The following PEBP4 variants were observed in gnomAD, a reference collection of about 807,000 sequenced individuals.
PEBP4 encodes the protein phosphatidylethanolamine binding protein 4.
In PEBP4, 22 loss-of-function variants were observed where a neutral mutation model predicts 23.9. The ratio of observed to expected loss-of-function variants is 0.92; its 90% CI spans 0.66 to 1.31. The LOEUF (loss-of-function observed/expected upper bound fraction) is 1.31. Among genes scored for constraint, PEBP4 ranks in the 40% most tolerant of loss-of-function variants. The probability of loss-of-function intolerance (pLI) is 0.00; values close to 1 mark genes in which losing one functional copy is unlikely to be tolerated. For missense variants in PEBP4, 324 were observed against 281.7 expected, an observed-to-expected ratio of 1.15 and a Z score of -1.07; for synonymous variants, 112 against 99.3, an observed-to-expected ratio of 1.13 and a Z score of -0.76.
intron 4 of PEBP4, among the ~76,000 whole-genome samples, chr8:22,811,195 T>C (rs181797421): frequency 6.6e-6 from 1 of 152,264 alleles, no homozygotes; most frequent in South Asian, 2.1e-4. Context: ...TAATGACTCA[T>C]TGAATGAAGT....
At chr8:22,810,717 A>T (rs528740604) in intron 4 of PEBP4, among the ~76,000 whole-genome samples, 104 of 144,650 alleles carry the variant, frequency 7.2e-4, no homozygotes, top group African/African-American at 2.5e-3. Flanking sequence ...TGTGTGTGAG[A>T]GAGAGAGAGA....
chr8:22,729,837 G>C (rs527979041), intron 4 of PEBP4, among the ~76,000 whole-genome samples: 6 of 152,174 alleles, frequency 3.9e-5, no homozygotes, highest in African/African-American at 1.4e-4. Flanking sequence ...TGATTTACTC[G>C]GATTGTCTTG....
intron 3 of PEBP4, 142 bp from the exon 4 acceptor site, chr8:22,817,877 C>T (rs181753406): frequency 3.0e-5 from 21 of 694,884 alleles, no homozygotes; most frequent in African/African-American, 1.8e-4. Context: ...TCCTTGCTCT[C>T]GTGACATCCC....
intron 5 of PEBP4, among the ~76,000 whole-genome samples, chr8:22,726,113 G>T (rs1487888688): frequency 1.3e-5 from 2 of 151,934 alleles, no homozygotes; most frequent in African/African-American, 2.4e-5. Flanking sequence ...ACTCGGGGTG[G>T]GTGTGTGTAC....
At chr8:22,749,215 G>T (rs1805192837) in intron 4 of PEBP4, among the ~76,000 whole-genome samples, 1 of 152,210 alleles carries the variant, frequency 6.6e-6, no homozygotes, top group Non-Finnish European at 1.5e-5. Flanking sequence ...AAGAAGCTGT[G>T]GGGTGTGTTC....
At chr8:22,748,643 C>T (rs976897891) in intron 4 of PEBP4, among the ~76,000 whole-genome samples, 3 of 144,370 alleles carry the variant, frequency 2.1e-5, no homozygotes, top group Non-Finnish European at 3.0e-5. Flanking sequence ...AGAGTTCACC[C>T]GGCTGTCAGC....
At chr8:22,905,025 C>T (rs527744493) in intron 3 of PEBP4, among the ~76,000 whole-genome samples, 32 of 152,262 alleles carry the variant, frequency 2.1e-4, no homozygotes, top group African/African-American at 7.2e-4. Flanking sequence ...TGCTCAAACA[C>T]AATGGACATG....
At chr8:22,771,003 A>G (rs1805707938) in intron 4 of PEBP4, among the ~76,000 whole-genome samples, 1 of 152,210 alleles carries the variant, frequency 6.6e-6, no homozygotes, top group Non-Finnish European at 1.5e-5. Flanking sequence ...TTGAAATCAG[A>G]TATGTGAAAG....
At chr8:22,863,494 G>C (rs1807822852) in intron 3 of PEBP4, among the ~76,000 whole-genome samples, 2 of 152,176 alleles carry the variant, frequency 1.3e-5, no homozygotes, top group African/African-American at 4.8e-5. Flanking sequence ...CGTGGAGGGA[G>C]GGTTAGCTTC....
At chr8:22,802,116 G>A (rs572636501) in intron 4 of PEBP4, among the ~76,000 whole-genome samples, 28 of 152,184 alleles carry the variant, frequency 1.8e-4, no homozygotes, top group African/African-American at 5.3e-4. Flanking sequence ...CAAACGCTCC[G>A]GACTGTGGGT....
intron 3 of PEBP4, among the ~76,000 whole-genome samples, chr8:22,860,435 T>C (rs1466022248): frequency 6.6e-6 from 1 of 152,068 alleles, no homozygotes; most frequent in Non-Finnish European, 1.5e-5. Context: ...TTTCTCTCTA[T>C]GAATTTGACT....
At chr8:22,848,699 T>C (rs1309089177) in intron 3 of PEBP4, among the ~76,000 whole-genome samples, 1 of 152,056 alleles carries the variant, frequency 6.6e-6, no homozygotes, top group Non-Finnish European at 1.5e-5. Context: ...ACAGGACTCT[T>C]AGTAGTAGCT....
chr8:22,737,944 CG>C (rs772394622), intron 4 of PEBP4, among the ~76,000 whole-genome samples: 46 of 152,228 alleles, frequency 3.0e-4, no homozygotes, highest in Non-Finnish European at 2.6e-4. Flanking sequence ...CGGTGGTTGC[CG>C]GGGAGTAGAC....
At chr8:22,812,492 A>G (rs1806652370) in intron 4 of PEBP4, among the ~76,000 whole-genome samples, 1 of 152,288 alleles carries the variant, frequency 6.6e-6, no homozygotes, top group South Asian at 2.1e-4. Context: ...TGGCCCATAG[A>G]GCTGAACCTA....
intron 4 of PEBP4, chr8:22,756,881 C>T (rs1805395595): frequency 6.6e-6 from 1 of 152,234 alleles, no homozygotes; most frequent in Non-Finnish European, 1.5e-5. Context: ...GACCCCTGGC[C>T]CTGTGGGTCG....
chr8:22,899,317 G>A (rs1455052341), intron 3 of PEBP4, among the ~76,000 whole-genome samples: 2 of 152,204 alleles, frequency 1.3e-5, no homozygotes, highest in African/African-American at 4.8e-5. Flanking sequence ...CTGCAGGCAA[G>A]TGCCAGCTCC....
intron 6 of PEBP4, among the ~76,000 whole-genome samples, chr8:22,723,308 C>G (rs543972984): frequency 6.6e-6 from 1 of 152,090 alleles, no homozygotes; most frequent in Non-Finnish European, 1.5e-5. Flanking sequence ...AGGCTGTGGT[C>G]GAGCCTCAGG....
At chr8:22,743,952 A>T (rs1180140529) in intron 4 of PEBP4, among the ~76,000 whole-genome samples, 2 of 151,938 alleles carry the variant, frequency 1.3e-5, no homozygotes, top group African/African-American at 4.8e-5. Context: ...GCCAAGCCTG[A>T]CCCTGTTTGG....
intron 4 of PEBP4, among the ~76,000 whole-genome samples, chr8:22,735,317 G>A (rs960804032): frequency 5.3e-5 from 8 of 152,202 alleles, no homozygotes; most frequent in Admixed American, 2.0e-4. Context: ...GTTATTGAAA[G>A]GAGGCTAGAT....
Sources: gnomAD v4.1 joint callset for allele counts (sites outside exome capture counted in the v4.1 genomes callset) on GRCh38, gnomAD v4.1.1 for gene constraint, MANE v1.5 for transcripts, NCBI Gene and HGNC (gene_info 2026-07-23, HGNC 2026-07-21) for gene names.